The following ZNF718 variants were observed in gnomAD, a reference collection of about 807,000 sequenced individuals.
The protein encoded by ZNF718 is zinc finger protein 718.
A neutral mutation model predicts 2.6 loss-of-function variants in ZNF718; 3 were observed. The ratio of observed to expected loss-of-function variants is 1.16; its 90% CI spans 0.53 to 3.01. The LOEUF (loss-of-function observed/expected upper bound fraction) is 3.01, where lower values mean the gene tolerates loss of function less well. ZNF718 is among the 30% of genes most tolerant of loss of function. The pLI is 0.03. For missense variants in ZNF718, 468 were observed against 230.0 expected, an observed-to-expected ratio of 2.03 and a Z score of -6.69; for synonymous variants, 135 against 77.9, an observed-to-expected ratio of 1.73 and a Z score of -3.86.
chr4:132,537 G>A (rs1384987908), intron 3 of ZNF718, among the ~76,000 whole-genome samples: 1 of 102,112 alleles, frequency 9.8e-6, no homozygotes. Context: ...AAATGTGTAC[G>A]GTGACTAGTG....
chr4:174,320 C>T (rs910641338), intron 3 of ZNF718, among the ~76,000 whole-genome samples: 2 of 152,220 alleles, frequency 1.3e-5, no homozygotes, highest in African/African-American at 4.8e-5. Flanking sequence ...TAACAACCTC[C>T]CCATCCTGCA....
At chr4:134,875 T>C (rs574686178) in intron 3 of ZNF718, among the ~76,000 whole-genome samples, 1 of 152,130 alleles carries the variant, frequency 6.6e-6, no homozygotes, top group Non-Finnish European at 1.5e-5. Context: ...CACTTGAGCA[T>C]AGGAGTTTAA....
chr4:172,843 C>G (rs570781696), intron 3 of ZNF718, among the ~76,000 whole-genome samples: 3 of 152,100 alleles, frequency 2.0e-5, no homozygotes, highest in Admixed American at 2.0e-4. Context: ...ATCACAAGGT[C>G]AAGAGATTGA....
At chr4:187,136 G>A (rs1553820560) in intron 3 of ZNF718, among the ~76,000 whole-genome samples, 1 of 151,964 alleles carries the variant, frequency 6.6e-6, no homozygotes, top group Non-Finnish European at 1.5e-5. Context: ...TAATCATCTG[G>A]TTGCTCTTTT....
In ZNF718 at chr4:136,952, C is replaced by T. The variant is rs139661299; in HGVS notation, c.226+5447C>T. Among the ~76,000 whole-genome samples the T allele has an allele frequency of 2.2e-3, 330 of 152,210 alleles. 2 individuals carry two copies. In the East Asian group the frequency reaches 0.023, roughly 11 times the overall value. ...TGCAGTCCCTAGTGTTGGAGGTGGGCCTGGTGGGAGGTGATGGGATGGTAG... is the reference window on the plus strand; with the variant it reads ...TGCAGTCCCTAGTGTTGGAGGTGGGTCTGGTGGGAGGTGATGGGATGGTAG... On this transcript the variant is annotated intron_variant, in intron 3 of 3. Coordinates refer to ENST00000510175, the MANE Select transcript of ZNF718 (RefSeq NM_001039127.6).
Position 130,941 on chromosome 4 carries a change from C to G in ZNF718, c.130+27C>G, listed in dbSNP as rs1715335671. On this transcript the variant is annotated intron_variant, in intron 2 of 3. Transcript: ENST00000510175. ...TAAGGATAACTTTAATATGTAATTC[C>G]TAATACTTTTTCAGAATTTCATTTT... 9.9e-6 allele frequency: 3 copies of G among 304,302 alleles called. 1 individual carries two copies. The South Asian group carries it at 2.3e-4, about 23-fold the overall frequency. 18.9% of individuals were successfully genotyped at this position (304,302 alleles called of 1,614,324 possible).
intron 3 of ZNF718, among the ~76,000 whole-genome samples, chr4:175,537 G>A (rs1717328717): frequency 6.6e-6 from 1 of 152,126 alleles, no homozygotes; most frequent in African/African-American, 2.4e-5. Flanking sequence ...TATTTGCAGG[G>A]GCACTGTTTA....
chr4:171,646 G>C (rs1553818039), intron 3 of ZNF718, among the ~76,000 whole-genome samples: 1 of 152,204 alleles, frequency 6.6e-6, no homozygotes, highest in Non-Finnish European at 1.5e-5. Flanking sequence ...TCTGAGCCAG[G>C]CATGGGATAT....
intron 3 of ZNF718, among the ~76,000 whole-genome samples, chr4:186,492 G>A (rs1407999161): frequency 6.6e-6 from 1 of 152,060 alleles, no homozygotes; most frequent in Admixed American, 6.6e-5. Flanking sequence ...GTATCTTACT[G>A]GGGTTCTCTG....
chr4:147,476 G>C (rs1356483578), intron 3 of ZNF718, among the ~76,000 whole-genome samples: 2 of 152,110 alleles, frequency 1.3e-5, no homozygotes, highest in Non-Finnish European at 2.9e-5. Flanking sequence ...AACTACTACC[G>C]GGCCTGCCAT....
At chr4:200,808 CAG>C (rs1717884059) in intron 3 of ZNF718, among the ~76,000 whole-genome samples, 2 of 152,126 alleles carry the variant, frequency 1.3e-5, no homozygotes, top group Non-Finnish European at 2.9e-5. Flanking sequence ...CTATTAACAA[CAG>C]TGATTATTTA....
chr4:145,609 C>A (rs1254576263), intron 3 of ZNF718, among the ~76,000 whole-genome samples: 1 of 152,076 alleles, frequency 6.6e-6, no homozygotes, highest in Non-Finnish European at 1.5e-5. Flanking sequence ...ACTACAAGCA[C>A]AAGTCTGTCT....
chr4:164,649 G>A (rs1717045672), downstream of ZNF718, among the ~76,000 whole-genome samples: 1 of 152,156 alleles, frequency 6.6e-6, no homozygotes, highest in Non-Finnish European at 1.5e-5. Context: ...ATAAATTTAA[G>A]ATGTTCACAA....
intron 3 of ZNF718, among the ~76,000 whole-genome samples, chr4:190,037 T>C (rs906860158): frequency 2.9e-4 from 44 of 152,162 alleles, no homozygotes; most frequent in African/African-American, 9.4e-4. Flanking sequence ...AGGAATTCTA[T>C]ATTTATATAG....
At chr4:164,774 A>G (rs562307314), downstream of ZNF718, among the ~76,000 whole-genome samples, 86 of 152,248 alleles carry the variant, frequency 5.6e-4, 1 homozygote, top group South Asian at 0.011. Flanking sequence ...GAGTTTATTT[A>G]TTGGGCCAAT....
intron 3 of ZNF718, among the ~76,000 whole-genome samples, chr4:186,134 T>G (rs1553820443): frequency 2.0e-5 from 3 of 152,096 alleles, no homozygotes; most frequent in African/African-American, 7.2e-5. Flanking sequence ...ATGGTAACTT[T>G]CCATATTTAG....
chr4:194,838 A>T lies in ZNF718; in HGVS notation c.227-6243A>T, dbSNP rs574495143. 2.4e-3 allele frequency among the ~76,000 whole-genome samples: 365 copies of T among 152,294 alleles called. 3 individuals are homozygous for T. The highest frequency in any genetic ancestry group is 7.9e-3 in the African/African-American group (330 of 41,574). On this transcript the variant is annotated intron_variant and NMD_transcript_variant, in intron 3 of 4. Transcript: ENST00000642529. The stretch of plus-strand genomic sequence containing the variant: ...TCCCATCTGAAAAAAGAACATAGGG[A>T]TGCCACTACCCCTAGCCATTTTCCG...
At chr4:199,528 T>C (rs948566271) in intron 3 of ZNF718, among the ~76,000 whole-genome samples, 12 of 152,246 alleles carry the variant, frequency 7.9e-5, no homozygotes, top group African/African-American at 2.9e-4. Context: ...CCTTGCATCC[T>C]AACCCAGAGA....
intron 3 of ZNF718, among the ~76,000 whole-genome samples, chr4:138,208 G>A (rs1209262972): frequency 1.3e-5 from 2 of 152,134 alleles, no homozygotes; most frequent in African/African-American, 4.8e-5. Flanking sequence ...TAGTCACTCT[G>A]TGTACTAGCA....
Sources: gnomAD v4.1 joint callset for allele counts (sites outside exome capture counted in the v4.1 genomes callset) on GRCh38, gnomAD v4.1.1 for gene constraint, MANE v1.5 for transcripts, NCBI Gene and HGNC (gene_info 2026-07-23, HGNC 2026-07-21) for gene names.